ZNF516: variants seen among roughly 807,000 people sequenced by gnomAD.
ZNF516 encodes the protein zinc finger protein 516.
A neutral mutation model predicts 79.7 loss-of-function variants in ZNF516; 19 were observed. That is an observed-to-expected ratio of 0.24 (90% CI 0.17 to 0.35). The LOEUF (loss-of-function observed/expected upper bound fraction) is 0.35. Ranked by LOEUF, ZNF516 falls within the 10% of genes least tolerant of loss-of-function variation. The probability of loss-of-function intolerance (pLI) is 1.00; values close to 1 mark genes in which losing one functional copy is unlikely to be tolerated. For missense variants in ZNF516, 1,678 were observed against 1,679.5 expected (o/e 1.00, Z 0.02); for synonymous variants, 877 against 739.5 (o/e 1.19, Z -3.02).
chr18:76,477,989 CTT>C (rs1914273794), intron 1 of ZNF516, among the ~76,000 whole-genome samples: 1 of 152,104 alleles, frequency 6.6e-6, no homozygotes, highest in African/African-American at 2.4e-5. Context: ...ATGAAATACA[CTT>C]TGTTCCAGAT....
intron 1 of ZNF516, among the ~76,000 whole-genome samples, chr18:76,494,880 C>T (rs1915417391): frequency 6.6e-6 from 1 of 151,078 alleles, no homozygotes; most frequent in Non-Finnish European, 1.5e-5. Flanking sequence ...TAAAAACCAC[C>T]TCCCGGGCGC....
At chr18:76,424,792 C>T (rs1568280163) in intron 3 of ZNF516, among the ~76,000 whole-genome samples, 1 of 138,552 alleles carries the variant, frequency 7.2e-6, no homozygotes, top group Non-Finnish European at 1.5e-5. Context: ...CCCCGAAACA[C>T]ACGCAGGTGA....
At chr18:76,488,044 G>T (rs933481336) in intron 1 of ZNF516, 1 of 985,264 alleles carries the variant, frequency 1.0e-6, no homozygotes, top group Non-Finnish European at 1.2e-6. Flanking sequence ...ACAGAGGCTT[G>T]TCCACAGCCC....
chr18:76,419,930 C>T (rs767801605), intron 3 of ZNF516, among the ~76,000 whole-genome samples: 2 of 152,222 alleles, frequency 1.3e-5, no homozygotes, highest in African/African-American at 2.4e-5. Flanking sequence ...AGCCTGGAAG[C>T]CAGGAGTCCC....
chr18:76,381,141 G>C (rs1237730255), intron 3 of ZNF516, among the ~76,000 whole-genome samples: 1 of 152,198 alleles, frequency 6.6e-6, no homozygotes, highest in Non-Finnish European at 1.5e-5. Flanking sequence ...CTTTACCCAA[G>C]GAACGCGTGA....
intron 1 of ZNF516, chr18:76,491,627 C>A: frequency 2.9e-6 from 2 of 693,724 alleles, no homozygotes; most frequent in Non-Finnish European, 3.5e-6. Flanking sequence ...CCCGCCCCGC[C>A]CACGGCCCTC....
intron 3 of ZNF516, among the ~76,000 whole-genome samples, chr18:76,402,481 C>A (rs921927009): frequency 1.3e-5 from 2 of 152,164 alleles, no homozygotes; most frequent in Non-Finnish European, 2.9e-5. Flanking sequence ...CCCCCTCTGC[C>A]ACCCACGTGA....
chr18:76,490,727 C>T (rs1045383841), intron 1 of ZNF516: 8 of 976,060 alleles, frequency 8.2e-6, no homozygotes, highest in Admixed American at 6.1e-5. Context: ...GGGGGCAATG[C>T]CTTTCTGCTG....
chr18:76,460,737 C>A (rs1280467630), intron 2 of ZNF516, among the ~76,000 whole-genome samples: 1 of 152,200 alleles, frequency 6.6e-6, no homozygotes, highest in Non-Finnish European at 1.5e-5. Context: ...TCAGAGCACA[C>A]CCCGAGAGAG....
At chr18:76,446,621 A>C (rs914627373) in intron 2 of ZNF516, among the ~76,000 whole-genome samples, 1 of 152,212 alleles carries the variant, frequency 6.6e-6, no homozygotes, top group Admixed American at 6.5e-5. Context: ...CGGTGACTAG[A>C]GAATGCAGTC....
In ZNF516 at chr18:76,426,637, T is replaced by G. The variant is rs145725110; in HGVS notation, c.1810+14608A>C. ...TCCCTAACTTCTAAAACAAACACAT[T>G]ATTTGAATGAATTAAAGAAAGCCGC... On this transcript the variant is annotated intron_variant, in intron 3 of 6. Transcript: ENST00000443185. Among the ~76,000 whole-genome samples, 11 of 152,104 alleles carry G rather than the reference T, an allele frequency of 7.2e-5. No individual in the cohort carries two copies. In the East Asian group the frequency reaches 2.1e-3, roughly 29 times the overall value.
At chr18:76,404,359 T>C (rs2075271658) in intron 3 of ZNF516, among the ~76,000 whole-genome samples, 1 of 1,474 alleles carries the variant, frequency 6.8e-4, no homozygotes, top group Non-Finnish European at 0.012. Context: ...ATATACTACG[T>C]GTAATGTGCA....
At chr18:76,490,208 G>GTCC in intron 1 of ZNF516, 1 of 985,282 alleles carries the variant, frequency 1.0e-6, no homozygotes, top group Non-Finnish European at 1.2e-6. Flanking sequence ...AATTAAAGAC[G>GTCC]TCCTCCTACA....
chr18:76,480,563 C>T (rs1330469034), intron 1 of ZNF516, among the ~76,000 whole-genome samples: 1 of 151,016 alleles, frequency 6.6e-6, no homozygotes, highest in Non-Finnish European at 1.5e-5. Flanking sequence ...TGCTCTGTCG[C>T]CCAGACTGGA....
intron 1 of ZNF516, among the ~76,000 whole-genome samples, chr18:76,465,969 C>G (rs1388503580): frequency 6.6e-6 from 1 of 152,172 alleles, no homozygotes; most frequent in Non-Finnish European, 1.5e-5. Context: ...GCGCCCAAAC[C>G]CTTCTGTTCA....
intron 1 of ZNF516, among the ~76,000 whole-genome samples, chr18:76,481,606 T>A (rs970900946): frequency 3.9e-5 from 6 of 152,188 alleles, no homozygotes; most frequent in Non-Finnish European, 7.3e-5. Context: ...GGCCTCAGTG[T>A]CCTCTCGGGT....
rs1912377567 is a variant in ZNF516, at chr18:76,451,015, C to T, written c.-157-7804G>A. ...GAGTCATTTCCTCAACAATCGAACGCTTAAAGTTGCGGAAACCAAGCAAAG... is the reference window on the plus strand; with the variant it reads ...GAGTCATTTCCTCAACAATCGAACGTTTAAAGTTGCGGAAACCAAGCAAAG... On this transcript the variant is annotated intron_variant, in intron 2 of 6. Coordinates refer to ENST00000443185, the MANE Select transcript of ZNF516 (RefSeq NM_014643.4). The surrounding 1 kb of genome is among the most constrained non-coding windows in gnomAD (Gnocchi z 6.0). Among the ~76,000 whole-genome samples the T allele has an allele frequency of 6.6e-6, 1 of 152,152 alleles. No individual in the cohort carries two copies. The highest frequency in any genetic ancestry group is 1.9e-4 in the East Asian group (1 of 5,190).
At chr18:76,494,598 T>C (rs1915404768) in intron 1 of ZNF516, among the ~76,000 whole-genome samples, 1 of 151,238 alleles carries the variant, frequency 6.6e-6, no homozygotes, top group Admixed American at 6.6e-5. Flanking sequence ...CGCAAACACG[T>C]CCCCTAGGCA....
At chr18:76,446,854 C>CT (rs1415849890) in intron 2 of ZNF516, among the ~76,000 whole-genome samples, 11 of 152,162 alleles carry the variant, frequency 7.2e-5, no homozygotes, top group South Asian at 4.1e-4. Context: ...TGTTTTTAGA[C>CT]TTAAGAACAT....
Sources: gnomAD v4.1 joint callset for allele counts (sites outside exome capture counted in the v4.1 genomes callset) on GRCh38, gnomAD v4.1.1 for gene constraint, Gnocchi (gnomAD v3.1) non-coding constraint, MANE v1.5 for transcripts, NCBI Gene and HGNC (gene_info 2026-07-23, HGNC 2026-07-21) for gene names.